Variants in DOCK4 observed in about 807,000 individuals in gnomAD.
DOCK4 encodes dedicator of cytokinesis protein 4.
A neutral mutation model predicts 268.1 loss-of-function variants in DOCK4; 97 were observed. The ratio of observed to expected loss-of-function variants is 0.36; its 90% confidence interval spans 0.31 to 0.43. DOCK4 has a LOEUF of 0.43. Among genes scored for constraint, DOCK4 ranks in the 20% least tolerant of loss-of-function variants. DOCK4 has a pLI of 1.00. For synonymous variants in DOCK4, 954 were observed against 887.2 expected, an observed-to-expected ratio of 1.08 and a Z score of -1.34; for missense variants, 2,145 against 2,455.7, an observed-to-expected ratio of 0.87 and a Z score of 2.67.
At chr7:111,811,791 C>T (rs1801155135) in intron 28 of DOCK4, 83 bp downstream of exon 28, 3 of 830,624 alleles carry the variant, frequency 3.6e-6, no homozygotes, top group East Asian at 5.5e-5. Context: ...ACTAATACGG[C>T]CCAAGAAAAT....
chr7:111,809,466 T>G (rs1285581397), intron 28 of DOCK4, 65 bp from the exon 29 acceptor site: 2 of 1,383,918 alleles, frequency 1.4e-6, no homozygotes, highest in East Asian at 5.0e-5. Flanking sequence ...TGAAGTGACA[T>G]AGTATTTTGG....
rs150966946 is a variant in DOCK4 at position 111,920,375 on chromosome 7, C to T, written c.1067-4471G>A. Among the ~76,000 whole-genome samples the T allele has an allele frequency of 1.3e-3, 199 of 152,254 alleles. 1 individual carries two copies. Among genetic ancestry groups the T allele is most frequent in the African/African-American group, 4.7e-3 (195 of 41,552 alleles). On this transcript the variant is annotated intron_variant, in intron 12 of 52. Transcript: ENST00000428084. ...TTAGCAGTGTATGCATATATCAAAACATCACATTGTATGCCATAAATATGT... is the reference window on the plus strand; with the variant it reads ...TTAGCAGTGTATGCATATATCAAAATATCACATTGTATGCCATAAATATGT...
At chr7:111,741,720 T>A (rs936898487) in intron 45 of DOCK4, 59 bp from the exon 46 acceptor site, 2 of 1,581,944 alleles carry the variant, frequency 1.3e-6, no homozygotes, top group Non-Finnish European at 1.7e-6. Flanking sequence ...AAATAACTTA[T>A]GAGACAGGTT....
intron 4 of DOCK4, among the ~76,000 whole-genome samples, chr7:111,996,233 C>A (rs994447069): frequency 6.6e-6 from 1 of 152,192 alleles, no homozygotes; most frequent in Non-Finnish European, 1.5e-5. Flanking sequence ...AAAGAACATA[C>A]ACGCAATTCA....
At chr7:112,133,050 A>G (rs1813949768) in intron 1 of DOCK4, among the ~76,000 whole-genome samples, 1 of 152,150 alleles carries the variant, frequency 6.6e-6, no homozygotes, top group Non-Finnish European at 1.5e-5. Context: ...ATTCCACAAG[A>G]ATTTTCTACT....
chr7:111,973,219 G>A (rs1334185268), intron 8 of DOCK4, among the ~76,000 whole-genome samples: 2 of 144,552 alleles, frequency 1.4e-5, no homozygotes, highest in Non-Finnish European at 3.0e-5. Flanking sequence ...TGATTGATGG[G>A]CATTTGGGCT....
intron 10 of DOCK4, among the ~76,000 whole-genome samples, chr7:111,943,299 C>A (rs534283907): frequency 1.3e-5 from 2 of 152,328 alleles, no homozygotes; most frequent in African/African-American, 2.4e-5. Flanking sequence ...ATGGGCAGTA[C>A]TACTGAGGCG....
At chr7:111,774,815 C>G (rs1260190391) in intron 36 of DOCK4, among the ~76,000 whole-genome samples, 1 of 152,154 alleles carries the variant, frequency 6.6e-6, no homozygotes, top group Non-Finnish European at 1.5e-5. Flanking sequence ...TTCTTAAAGG[C>G]CCAGACCGTA....
chr7:111,786,076 A>C (rs1205782831), intron 32 of DOCK4, among the ~76,000 whole-genome samples: 1 of 152,184 alleles, frequency 6.6e-6, no homozygotes, highest in Non-Finnish European at 1.5e-5. Context: ...GTAGAGTTAG[A>C]GATGTAAGGT....
intron 1 of DOCK4, among the ~76,000 whole-genome samples, chr7:112,191,927 T>G (rs1354063018): frequency 1.3e-5 from 2 of 148,842 alleles, no homozygotes; most frequent in African/African-American, 2.4e-5. Flanking sequence ...TTATATACTA[T>G]ATAACATTAC....
At chr7:111,936,464 T>C (rs1300997397) in intron 11 of DOCK4, among the ~76,000 whole-genome samples, 1 of 151,244 alleles carries the variant, frequency 6.6e-6, no homozygotes, top group Non-Finnish European at 1.5e-5. Flanking sequence ...CTGTGGATGC[T>C]TAAAAACTGT....
At chr7:111,796,967 G>A (rs1028162069) in intron 30 of DOCK4, among the ~76,000 whole-genome samples, 7 of 152,146 alleles carry the variant, frequency 4.6e-5, no homozygotes, top group African/African-American at 7.2e-5. Flanking sequence ...GAAAACAGTC[G>A]GAGAATGCTC....
chr7:111,960,020 A>T (rs1442507166), intron 8 of DOCK4, among the ~76,000 whole-genome samples: 1 of 152,058 alleles, frequency 6.6e-6, no homozygotes, highest in Non-Finnish European at 1.5e-5. Flanking sequence ...TCTTTTTTAC[A>T]CTTAATTATT....
chr7:111,784,220 A>G, intron 32 of DOCK4, 97 bp from the exon 33 acceptor site: 1 of 1,308,328 alleles, frequency 7.6e-7, no homozygotes, highest in African/African-American at 1.5e-5. Flanking sequence ...AAAATATACA[A>G]GCATCTCACA....
intron 1 of DOCK4, among the ~76,000 whole-genome samples, chr7:112,188,805 T>C (rs1819675507): frequency 1.3e-5 from 2 of 152,232 alleles, no homozygotes; most frequent in Non-Finnish European, 2.9e-5. Context: ...GTTGTTCAAA[T>C]AAATGCTCAT....
chr7:112,027,121 T>G (rs1489664537), intron 1 of DOCK4, among the ~76,000 whole-genome samples: 1 of 152,184 alleles, frequency 6.6e-6, no homozygotes, highest in East Asian at 1.9e-4. Flanking sequence ...TGGAGAAATC[T>G]GAGACTCTTA....
intron 7 of DOCK4, among the ~76,000 whole-genome samples, chr7:111,980,267 A>C (rs985491668): frequency 1.3e-5 from 2 of 152,126 alleles, no homozygotes; most frequent in Non-Finnish European, 2.9e-5. Flanking sequence ...ACCCATTTGG[A>C]CTTAGTAGGT....
chr7:111,933,230 A>ACATATATACGTATATACC (rs1794382932), intron 12 of DOCK4, among the ~76,000 whole-genome samples: 1 of 145,466 alleles, frequency 6.9e-6, no homozygotes, highest in African/African-American at 2.5e-5. Flanking sequence ...ACGTATATAC[A>ACATATATACGTATATACC]CATATATACG....
intron 1 of DOCK4, among the ~76,000 whole-genome samples, chr7:112,134,739 C>T (rs895444146): frequency 2.0e-5 from 3 of 152,022 alleles, no homozygotes; most frequent in African/African-American, 7.2e-5. Context: ...AAGAAACAAA[C>T]AAACTTAATA....
Sources: allele counts gnomAD v4.1 joint callset (sites outside exome capture counted in the v4.1 genomes callset), GRCh38; gene constraint gnomAD v4.1.1; transcripts MANE v1.5; gene names NCBI Gene and HGNC (gene_info 2026-07-23, HGNC 2026-07-21).